GALNTL6: variants seen among roughly 807,000 people sequenced by gnomAD.
The protein encoded by GALNTL6 is polypeptide N-acetylgalactosaminyltransferase like 6.
Under a neutral mutation model 73.7 loss-of-function variants are expected in GALNTL6, and 46 were observed. The ratio of observed to expected loss-of-function variants is 0.62; its 90% CI spans 0.49 to 0.80. The LOEUF (loss-of-function observed/expected upper bound fraction) is 0.80, where lower values mean the gene tolerates loss of function less well. Ranked by LOEUF, GALNTL6 falls within the 30% of genes least tolerant of loss-of-function variation. The probability of loss-of-function intolerance (pLI) is 0.00; values close to 1 mark genes in which losing one functional copy is unlikely to be tolerated. For missense variants in GALNTL6, 604 were observed against 755.0 expected (o/e 0.80, Z 2.34); for synonymous variants, 259 against 263.7 (o/e 0.98, Z 0.17).
At chr4:173,028,513 C>T (rs1472921721) in intron 12 of GALNTL6, among the ~76,000 whole-genome samples, 1 of 152,148 alleles carries the variant, frequency 6.6e-6, no homozygotes, top group Non-Finnish European at 1.5e-5. Context: ...CTTCTTTCTA[C>T]TTAAAACACT....
chr4:172,219,516 G>GTTGTT (rs1736605963), intron 2 of GALNTL6, among the ~76,000 whole-genome samples: 1 of 151,576 alleles, frequency 6.6e-6, no homozygotes, highest in South Asian at 2.1e-4. Flanking sequence ...AATAATCGAA[G>GTTGTT]TTGTTTTCCC....
intron 2 of GALNTL6, among the ~76,000 whole-genome samples, chr4:171,915,354 C>T (rs1737587244): frequency 6.6e-6 from 1 of 152,110 alleles, no homozygotes; most frequent in Admixed American, 6.6e-5. Context: ...CATTATATGC[C>T]TTCTTGGAAT....
chr4:171,862,407 C>G (rs2110880806), intron 2 of GALNTL6, among the ~76,000 whole-genome samples: 1 of 152,078 alleles, frequency 6.6e-6, no homozygotes, highest in Admixed American at 6.5e-5. Flanking sequence ...TCTGTTTAAT[C>G]ATGTATTAAT....
chr4:172,654,599 G>T (rs1443073427), intron 5 of GALNTL6, among the ~76,000 whole-genome samples: 1 of 152,056 alleles, frequency 6.6e-6, no homozygotes, highest in African/African-American at 2.4e-5. Flanking sequence ...AATTCCTCGG[G>T]CAATCTGGAA....
At chr4:172,183,788 T>G (rs749890880) in intron 2 of GALNTL6, among the ~76,000 whole-genome samples, 1 of 144,078 alleles carries the variant, frequency 6.9e-6, no homozygotes, top group Non-Finnish European at 1.5e-5. Context: ...CTATTACTGT[T>G]GAAGACTTTT....
chr4:172,513,592 C>T (rs1734501427), intron 5 of GALNTL6, among the ~76,000 whole-genome samples: 1 of 152,144 alleles, frequency 6.6e-6, no homozygotes, highest in Non-Finnish European at 1.5e-5. Context: ...TCTTCAGATT[C>T]TTTTGTCCCA....
At chr4:171,842,755 C>T (rs986615528) in intron 2 of GALNTL6, among the ~76,000 whole-genome samples, 1 of 152,062 alleles carries the variant, frequency 6.6e-6, no homozygotes, top group East Asian at 1.9e-4. Context: ...GAATCCACCC[C>T]CATGATTCAA....
chr4:171,988,921 TGG>T lies in GALNTL6; in HGVS notation c.138+174207_138+174208del, dbSNP rs1297687897. Among the ~76,000 whole-genome samples the T allele has an allele frequency of 6.1e-4, 93 of 151,912 alleles. 1 individual carries two copies. In the South Asian group the frequency reaches 0.019, roughly 31 times the overall value. ...GGAGGATGTGAAGGAGGCTTTGAAC[TGG>T]GGGAAAAGGTGGCAATGAGGTGTGG... On this transcript the variant is annotated intron_variant, in intron 2 of 12. Coordinates refer to ENST00000506823, the MANE Select transcript of GALNTL6 (RefSeq NM_001034845.3).
chr4:171,892,229 C>G (rs529459781), intron 2 of GALNTL6, among the ~76,000 whole-genome samples: 2 of 152,210 alleles, frequency 1.3e-5, no homozygotes, highest in East Asian at 1.9e-4. Context: ...GAAATCCAAC[C>G]CTTCTGGTTT....
intron 7 of GALNTL6, among the ~76,000 whole-genome samples, chr4:172,824,132 A>G (rs1742094880): frequency 6.6e-6 from 1 of 152,218 alleles, no homozygotes; most frequent in Non-Finnish European, 1.5e-5. Context: ...CAATATGTAT[A>G]GCTCTAAAGT....
chr4:172,330,687 T>G lies in GALNTL6; in HGVS notation c.387-17836T>G, dbSNP rs61665371. ...GTATAGTTTATTTGTTTTTTTGTGT[T>G]AAGCTTCACTGAGCTTTTGAAGCTC... On this transcript the variant is annotated intron_variant, in intron 4 of 12. Coordinates refer to ENST00000506823, the MANE Select transcript of GALNTL6 (RefSeq NM_001034845.3). Among the ~76,000 whole-genome samples the G allele has an allele frequency of 8.3e-4, 127 of 152,316 alleles. 2 individuals carry two copies. The East Asian group carries it at 0.024, about 29-fold the overall frequency.
At chr4:171,881,148 A>T (rs975245202) in intron 2 of GALNTL6, among the ~76,000 whole-genome samples, 13 of 152,166 alleles carry the variant, frequency 8.5e-5, no homozygotes, top group African/African-American at 3.1e-4. Flanking sequence ...GCCTGTAGAG[A>T]TTTCTGCGGA....
chr4:172,028,349 C>T (rs1357105696), intron 2 of GALNTL6, among the ~76,000 whole-genome samples: 1 of 151,624 alleles, frequency 6.6e-6, no homozygotes, highest in Non-Finnish European at 1.5e-5. Context: ...ACATCTTCAG[C>T]AAATATGGAA....
intron 7 of GALNTL6, among the ~76,000 whole-genome samples, chr4:172,856,674 A>G (rs1744138735): frequency 6.6e-6 from 1 of 152,180 alleles, no homozygotes; most frequent in African/African-American, 2.4e-5. Flanking sequence ...ACAGCTTCAA[A>G]TTAAAAGCAG....
chr4:172,008,089 G>A (rs1165588231), intron 2 of GALNTL6, among the ~76,000 whole-genome samples: 1 of 152,076 alleles, frequency 6.6e-6, no homozygotes, highest in Non-Finnish European at 1.5e-5. Context: ...TTCTACTAAA[G>A]AGAATCAAGG....
intron 5 of GALNTL6, among the ~76,000 whole-genome samples, chr4:172,776,699 T>G (rs902832020): frequency 6.6e-6 from 1 of 152,146 alleles, no homozygotes; most frequent in Admixed American, 6.5e-5. Flanking sequence ...AAGAGAAATT[T>G]TATAGGTTGC....
intron 5 of GALNTL6, among the ~76,000 whole-genome samples, chr4:172,572,729 C>T (rs190581239): frequency 1.4e-4 from 22 of 152,034 alleles, no homozygotes; most frequent in African/African-American, 3.6e-4. Context: ...TTCATTTTTC[C>T]GAATGTTCCA....
intron 5 of GALNTL6, among the ~76,000 whole-genome samples, chr4:172,466,890 C>T (rs962027869): frequency 6.6e-6 from 1 of 151,468 alleles, no homozygotes; most frequent in Non-Finnish European, 1.5e-5. Flanking sequence ...TGAAAGGTTT[C>T]GAATCTTACG....
At chr4:172,444,131 A>G (rs930137105) in intron 5 of GALNTL6, among the ~76,000 whole-genome samples, 8 of 152,166 alleles carry the variant, frequency 5.3e-5, no homozygotes, top group African/African-American at 1.9e-4. Context: ...ATATAAACTG[A>G]AGGTTTTAAG....
Sources: allele counts gnomAD v4.1 joint callset (sites outside exome capture counted in the v4.1 genomes callset), GRCh38; gene constraint gnomAD v4.1.1; transcripts MANE v1.5; gene names NCBI Gene and HGNC (gene_info 2026-07-23, HGNC 2026-07-21).